The following TRAP1 variants were observed in gnomAD, a reference collection of about 807,000 sequenced individuals.
TRAP1 encodes the protein TNF receptor associated protein 1.
Under a neutral mutation model 89.1 loss-of-function variants are expected in TRAP1, and 102 were observed. The ratio of observed to expected loss-of-function variants is 1.15; its 90% CI spans 0.98 to 1.35. The LOEUF is 1.35. TRAP1 is among the 40% of genes most tolerant of loss of function. TRAP1 has a pLI of 0.00. For missense variants in TRAP1, 1,256 were observed against 945.3 expected (o/e 1.33, Z -4.31); for synonymous variants, 508 against 388.0 (o/e 1.31, Z -3.64).
chr16:3,664,519 C>G (rs2050781568), intron 12 of TRAP1, 60 bp from the exon 13 acceptor site: 2 of 1,525,532 alleles, frequency 1.3e-6, no homozygotes, highest in African/African-American at 2.8e-5. Context: ...TGTTGCCCAA[C>G]TAACTGGGCG....
chr16:3,707,573 C>G (rs1192706662), intron 1 of TRAP1, among the ~76,000 whole-genome samples: 3 of 151,490 alleles, frequency 2.0e-5, no homozygotes, highest in African/African-American at 4.8e-5. Flanking sequence ...AAGACAAACA[C>G]CCGGGTGAGG....
chr16:3,702,533 A>G (rs2051380080), intron 1 of TRAP1, among the ~76,000 whole-genome samples: 1 of 151,642 alleles, frequency 6.6e-6, no homozygotes, highest in Non-Finnish European at 1.5e-5. Flanking sequence ...GCTTGAGCCC[A>G]GGAGTTTGAG....
At chr16:3,662,777 G>T in intron 15 of TRAP1, 105 bp downstream of exon 15, 1 of 1,064,898 alleles carries the variant, frequency 9.4e-7, no homozygotes, top group Non-Finnish European at 1.4e-6. Flanking sequence ...GGCTTCTGCT[G>T]CTGCTGGAAG....
At chr16:3,681,383 G>A (rs891778595) in intron 4 of TRAP1, among the ~76,000 whole-genome samples, 2 of 152,226 alleles carry the variant, frequency 1.3e-5, no homozygotes, top group Admixed American at 1.3e-4. Flanking sequence ...GCAGGCCAGG[G>A]AGACTGGCCA....
chr16:3,665,710 C>A (rs1177533849), intron 12 of TRAP1, among the ~76,000 whole-genome samples: 1 of 152,216 alleles, frequency 6.6e-6, no homozygotes, highest in Non-Finnish European at 1.5e-5. Flanking sequence ...TCCTGCCACT[C>A]CCTGGGCTGC....
At chr16:3,659,090 T>A (rs1322395669) in intron 16 of TRAP1, 6 of 526,256 alleles carry the variant, frequency 1.1e-5, no homozygotes, top group Non-Finnish European at 2.0e-5. Context: ...GTAGCCAAAC[T>A]CCAAGATTAA....
intron 13 of TRAP1, chr16:3,663,897 T>TA (rs1207893151): frequency 2.8e-6 from 1 of 360,066 alleles, no homozygotes; most frequent in Non-Finnish European, 5.1e-6. Flanking sequence ...ATGCCGTCTC[T>TA]ATTAAAAATA....
At chr16:3,659,898 C>T (rs2042972456) in intron 16 of TRAP1, 1 of 152,090 alleles carries the variant, frequency 6.6e-6, no homozygotes, top group Non-Finnish European at 1.5e-5. Context: ...TACAGGCACC[C>T]ACCACCACCC....
In TRAP1 at chr16:3,698,282, G is replaced by A. The variant is rs1167992189; in HGVS notation, c.89-7297C>T. Among the ~76,000 whole-genome samples, 8 of 150,992 alleles carry A rather than the reference G, an allele frequency of 5.3e-5. No homozygotes were observed. The East Asian group carries it at 1.4e-3, about 26-fold the overall frequency. ...TGAATTGACAGCATTCTTAAAAGCA[G>A]ATTTGATTTCAGGTTATGTAAACTT... On this transcript the variant is annotated intron_variant, in intron 1 of 17. Coordinates refer to ENST00000246957, the MANE Select transcript of TRAP1 (RefSeq NM_016292.3).
intron 4 of TRAP1, among the ~76,000 whole-genome samples, chr16:3,684,623 C>G (rs1344987523): frequency 6.6e-6 from 1 of 152,168 alleles, no homozygotes; most frequent in South Asian, 2.1e-4. Context: ...AACCCCATCT[C>G]TACTAAAAAT....
At chr16:3,688,970 T>C (rs1055951454) in intron 3 of TRAP1, 85 bp downstream of exon 3, 17 of 1,250,884 alleles carry the variant, frequency 1.4e-5, no homozygotes, top group Admixed American at 2.0e-5. Flanking sequence ...TAATATATTA[T>C]CTGGCAATTC....
At chr16:3,672,672 C>A (rs759008150) in intron 10 of TRAP1, 28 bp downstream of exon 10, 3 of 1,594,690 alleles carry the variant, frequency 1.9e-6, no homozygotes, top group Admixed American at 3.5e-5. Flanking sequence ...GCCACGGGGG[C>A]ACTGCTCACG....
intron 11 of TRAP1, among the ~76,000 whole-genome samples, chr16:3,668,934 C>A (rs1720291580): frequency 6.6e-6 from 1 of 152,346 alleles, no homozygotes; most frequent in South Asian, 2.1e-4. Flanking sequence ...CCCGCAGGGA[C>A]GCCAGGAGCT....
chr16:3,660,220 T>C lies in TRAP1; in HGVS notation c.1941-1355A>G, dbSNP rs1190903304. On this transcript the variant is annotated intron_variant, in intron 16 of 17. Transcript: ENST00000246957. The stretch of plus-strand genomic sequence containing the variant: ...CAGCTGCCCACAAATGCACATAATC[T>C]CTGCAGAAATACAAAAGCCCTAATG... The C allele has an allele frequency of 2.6e-5, 4 of 152,340 alleles. No homozygotes were observed. The East Asian group carries it at 7.7e-4, about 29-fold the overall frequency. 9.4% of individuals were successfully genotyped at this position (152,340 alleles called of 1,614,324 possible).
intron 12 of TRAP1, 102 bp from the exon 13 acceptor site, chr16:3,664,561 C>T (rs1035600569): frequency 1.2e-5 from 16 of 1,308,270 alleles, no homozygotes; most frequent in Non-Finnish European, 1.7e-5. Flanking sequence ...CCTCCTGGCA[C>T]TCCAGGCTGG....
chr16:3,702,903 G>A (rs1391821277), intron 1 of TRAP1, among the ~76,000 whole-genome samples: 1 of 151,412 alleles, frequency 6.6e-6, no homozygotes, highest in Non-Finnish European at 1.5e-5. Context: ...TTAGCCAGGT[G>A]TTGTCGTGGA....
intron 8 of TRAP1, chr16:3,674,850 G>A (rs1468791794): frequency 2.8e-6 from 1 of 359,776 alleles, no homozygotes; most frequent in Non-Finnish European, 5.2e-6. Context: ...TGAGCCGCGA[G>A]GGGGAAGTCA....
intron 6 of TRAP1, 33 bp from the exon 7 acceptor site, chr16:3,676,178 G>C (rs757607729): frequency 8.8e-6 from 14 of 1,592,624 alleles, no homozygotes; most frequent in Non-Finnish European, 6.0e-6. Flanking sequence ...AAGCCAGGTG[G>C]ATGTGACACT....
Position 3,679,707 on chromosome 16 carries a change from C to A in TRAP1, c.543+12G>T, listed in dbSNP as rs777933473. The A allele has an allele frequency of 6.2e-7, 1 of 1,613,920 alleles. No individual in the cohort carries two copies. Among genetic ancestry groups the A allele is most frequent in the Non-Finnish European group, 8.5e-7 (1 of 1,179,926 alleles). On this transcript the variant is annotated intron_variant, in intron 5 of 17. Coordinates refer to ENST00000246957, the MANE Select transcript of TRAP1 (RefSeq NM_016292.3). Reference sequence around the variant, plus strand: ...GGGGAAGGGGGAGGCTGTGTGGGGGCCCCACGCTTACCTTTGACCCCGATC... The same window carrying A: ...GGGGAAGGGGGAGGCTGTGTGGGGGACCCACGCTTACCTTTGACCCCGATC...
Sources: allele counts gnomAD v4.1 joint callset (sites outside exome capture counted in the v4.1 genomes callset), GRCh38; gene constraint gnomAD v4.1.1; transcripts MANE v1.5; gene names NCBI Gene and HGNC (gene_info 2026-07-23, HGNC 2026-07-21).